Variants in LOC400499 observed in about 807,000 individuals in gnomAD.
At chr16:11,456,210 A>C in the LOC400499 span, among the ~76,000 whole-genome samples, 3 of 151,912 alleles carry the variant, frequency 2.0e-5, no homozygotes, top group African/African-American at 7.3e-5. Flanking sequence ...ACACATGGCT[A>C]ATTTTTGTAT....
At chr16:11,479,292 A>G in the LOC400499 span, among the ~76,000 whole-genome samples, 58 of 152,188 alleles carry the variant, frequency 3.8e-4, no homozygotes, top group Non-Finnish European at 6.8e-4. Context: ...TGAAGGTTTT[A>G]TTTTAGGATA....
At chr16:11,384,249 G>A in the LOC400499 span, 1 of 1,232,362 alleles carries the variant, frequency 8.1e-7, no homozygotes, top group Non-Finnish European at 1.0e-6. Context: ...CCAGGCTGCG[G>A]GCCATAGAGC....
At chr16:11,495,749 G>C in the LOC400499 span, among the ~76,000 whole-genome samples, 2 of 152,220 alleles carry the variant, frequency 1.3e-5, no homozygotes, top group African/African-American at 4.8e-5. Context: ...TGTCACACAC[G>C]TTGCCTTTCT....
the LOC400499 span, among the ~76,000 whole-genome samples, chr16:11,495,209 CAAA>C: frequency 9.2e-5 from 13 of 141,332 alleles, no homozygotes; most frequent in Admixed American, 2.1e-4. Flanking sequence ...ACTCTGTCTC[CAAA>C]AAAAAAAAAA....
At chr16:11,456,091 C>G in the LOC400499 span, among the ~76,000 whole-genome samples, 1 of 150,330 alleles carries the variant, frequency 6.7e-6, no homozygotes, top group Admixed American at 6.6e-5. Flanking sequence ...GTTGCCCAGG[C>G]TGGAGTGCAG....
chr16:11,423,223 G>C, the LOC400499 span: 71 of 399,304 alleles, frequency 1.8e-4, 1 homozygote, highest in South Asian at 1.3e-3. Context: ...CATCCTAACA[G>C]CTGGGTGGGC....
At chr16:11,504,087 G>A in the LOC400499 span, among the ~76,000 whole-genome samples, 2 of 152,164 alleles carry the variant, frequency 1.3e-5, no homozygotes, top group African/African-American at 4.8e-5. Flanking sequence ...GCAAGCCTCT[G>A]GCCACAAGTG....
chr16:11,401,957 G>A, the LOC400499 span: 1 of 398,992 alleles, frequency 2.5e-6, no homozygotes, highest in Non-Finnish European at 4.4e-6. Flanking sequence ...TCAGGCAGGG[G>A]AGGGCCCCAA....
At chr16:11,481,086 A>G in the LOC400499 span, among the ~76,000 whole-genome samples, 2 of 152,254 alleles carry the variant, frequency 1.3e-5, no homozygotes, top group Non-Finnish European at 2.9e-5. Context: ...GGCTAAGAGG[A>G]AGAAGCCAGA....
chr16:11,423,199 T>C, the LOC400499 span: 1 of 399,338 alleles, frequency 2.5e-6, no homozygotes, highest in Non-Finnish European at 4.4e-6. Context: ...TGCCCAGCGA[T>C]GTCCCCTCGG....
the LOC400499 span, among the ~76,000 whole-genome samples, chr16:11,386,210 T>C: frequency 6.6e-6 from 1 of 151,748 alleles, no homozygotes; most frequent in Non-Finnish European, 1.5e-5. Context: ...GAGAAGGAGG[T>C]CTGACCAGTC....
At chr16:11,506,667 GC>G in the LOC400499 span, among the ~76,000 whole-genome samples, 1 of 152,188 alleles carries the variant, frequency 6.6e-6, no homozygotes, top group African/African-American at 2.4e-5. Context: ...CCCACCCTCT[GC>G]CCCCCACATC....
the LOC400499 span, among the ~76,000 whole-genome samples, chr16:11,408,856 GGATA>G: frequency 2.6e-5 from 4 of 151,890 alleles, no homozygotes; most frequent in Non-Finnish European, 4.4e-5. Flanking sequence ...TAAGATGGAT[GGATA>G]GAGAGCTATG....
the LOC400499 span, among the ~76,000 whole-genome samples, chr16:11,410,445 C>CT: frequency 1.3e-5 from 2 of 152,134 alleles, no homozygotes; most frequent in Non-Finnish European, 2.9e-5. Context: ...CAAAGAGAGA[C>CT]TGTGTCTCAA....
the LOC400499 span, among the ~76,000 whole-genome samples, chr16:11,413,399 G>C: frequency 9.8e-5 from 15 of 152,316 alleles, no homozygotes; most frequent in Admixed American, 9.8e-4. Flanking sequence ...GACTGGGGCA[G>C]GGGTTGCTGG....
At chr16:11,446,788 A>G in the LOC400499 span, 9 of 1,536,004 alleles carry the variant, frequency 5.9e-6, no homozygotes, top group Non-Finnish European at 7.8e-6. Context: ...CATGGTCTGC[A>G]GGGTTTCCTC....
At chr16:11,406,406 G>A in the LOC400499 span, among the ~76,000 whole-genome samples, 6 of 152,028 alleles carry the variant, frequency 3.9e-5, no homozygotes, top group African/African-American at 1.2e-4. Context: ...TACCTGCCTC[G>A]AATGCCCCTC....
chr16:11,465,739 T>A, the LOC400499 span, among the ~76,000 whole-genome samples: 1,013 of 138,678 alleles, frequency 7.3e-3, 7 homozygotes, highest in Middle Eastern at 0.012. Flanking sequence ...CTGCACAGAA[T>A]AAGACCTTGT....
At chr16:11,444,748 T>G in the LOC400499 span, among the ~76,000 whole-genome samples, 36 of 152,212 alleles carry the variant, frequency 2.4e-4, no homozygotes, top group Middle Eastern at 6.8e-3. Context: ...ATGGAGATCA[T>G]GAGCTTTCCA....
Sources: allele counts gnomAD v4.1 joint callset (sites outside exome capture counted in the v4.1 genomes callset), GRCh38; gene constraint gnomAD v4.1.1; transcripts MANE v1.5.